Variants in ADGRL2 observed in about 807,000 individuals in gnomAD.
ADGRL2 encodes the protein adhesion G protein-coupled receptor L2, also known as calcium-independent alpha-latrotoxin receptor 2.
Under a neutral mutation model 157.4 loss-of-function variants are expected in ADGRL2, and 44 were observed. That is an observed-to-expected ratio of 0.28 (90% CI 0.22 to 0.36). The LOEUF (loss-of-function observed/expected upper bound fraction) is 0.36, where lower values mean the gene tolerates loss of function less well. Among genes scored for constraint, ADGRL2 ranks in the 10% least tolerant of loss-of-function variants. The pLI, the probability that ADGRL2 is intolerant of heterozygous loss-of-function variation, is 1.00. For missense variants in ADGRL2, 1,510 were observed against 1,768.9 expected, an observed-to-expected ratio of 0.85 and a Z score of 2.63; for synonymous variants, 585 against 624.7, an observed-to-expected ratio of 0.94 and a Z score of 0.95.
At chr1:81,794,920 C>T (rs542103269) in intron 2 of ADGRL2, among the ~76,000 whole-genome samples, 7 of 151,988 alleles carry the variant, frequency 4.6e-5, no homozygotes, top group Non-Finnish European at 1.0e-4. Context: ...ATGTGCATGA[C>T]AAATAAAGGC....
intron 1 of ADGRL2, among the ~76,000 whole-genome samples, chr1:81,334,931 T>G (rs1661526358): frequency 6.6e-6 from 1 of 152,178 alleles, no homozygotes; most frequent in Non-Finnish European, 1.5e-5. Context: ...TAAAGGTGTC[T>G]TTGGTGTTGA....
Position 81,755,076 on chromosome 1 carries a change from C to T in ADGRL2, c.-142-6735C>T, listed in dbSNP as rs534857972. ...GAATAAATATATTTACTGGTACATA[C>T]CCAACACAATATTAGAATATTAGGG... On this transcript the variant is annotated intron_variant, in intron 1 of 20. Coordinates refer to the ADGRL2 transcript ENST00000359929. Among the ~76,000 whole-genome samples, 32 of 149,920 alleles carry T rather than the reference C, an allele frequency of 2.1e-4. 1 individual carries two copies. In the South Asian group the frequency reaches 6.3e-3, roughly 29 times the overall value.
At chr1:81,676,595 T>G (rs1031015540) in intron 3 of ADGRL2, among the ~76,000 whole-genome samples, 35 of 150,222 alleles carry the variant, frequency 2.3e-4, no homozygotes, top group Admixed American at 4.6e-4. Context: ...GCCACCATCC[T>G]GGGCCCTGAT....
chr1:81,602,119 A>C (rs2081343972), intron 3 of ADGRL2, among the ~76,000 whole-genome samples: 1 of 66,646 alleles, frequency 1.5e-5, no homozygotes, highest in Admixed American at 1.6e-4. Context: ...CTACTTAAAC[A>C]AAAAAAAATT....
chr1:81,910,244 CAATAATAATAAT>C (rs10631240), intron 3 of ADGRL2, among the ~76,000 whole-genome samples: 1 of 143,056 alleles, frequency 7.0e-6, no homozygotes, highest in African/African-American at 2.6e-5. Flanking sequence ...GCCTAAAAAA[CAATAATAATAAT>C]AATAATAATA....
At chr1:81,669,751 G>A (rs144996594) in intron 3 of ADGRL2, among the ~76,000 whole-genome samples, 2,424 of 152,008 alleles carry the variant, frequency 0.016, 26 homozygotes, top group Middle Eastern at 0.024. Flanking sequence ...GACCATCCTG[G>A]CTAACACGGT....
intron 3 of ADGRL2, among the ~76,000 whole-genome samples, chr1:81,918,783 TGAA>T (rs1318027698): frequency 6.6e-6 from 1 of 152,202 alleles, no homozygotes; most frequent in East Asian, 1.9e-4. Context: ...CTAAAAATAT[TGAA>T]GTATTAGAAA....
At chr1:81,376,473 G>GT (rs1194788434) in intron 1 of ADGRL2, among the ~76,000 whole-genome samples, 2 of 152,116 alleles carry the variant, frequency 1.3e-5, no homozygotes. Context: ...GATATAACCT[G>GT]GTTAATACAA....
At chr1:81,416,308 C>A (rs2077033102) in intron 1 of ADGRL2, among the ~76,000 whole-genome samples, 1 of 132,566 alleles carries the variant, frequency 7.5e-6, no homozygotes, top group Non-Finnish European at 1.7e-5. Context: ...CCCTGAACAA[C>A]CTTCTTGCAA....
chr1:81,357,815 C>A (rs370838317), intron 1 of ADGRL2, among the ~76,000 whole-genome samples: 1 of 152,186 alleles, frequency 6.6e-6, no homozygotes, highest in East Asian at 1.9e-4. Context: ...AATGTGCATG[C>A]CATTTTCACT....
At position 81,782,368 on chromosome 1, in the gene ADGRL2, C is replaced by T. The variant is rs543345537; in HGVS notation, c.-101+20516C>T. Among the ~76,000 whole-genome samples the T allele has an allele frequency of 2.0e-4, 31 of 152,222 alleles. No homozygotes were observed. In the South Asian group the frequency reaches 5.4e-3, roughly 26 times the overall value. On this transcript the variant is annotated intron_variant, in intron 2 of 20. Transcript: ENST00000359929. ...TAAGAAGTCAATCGTATTATTTTAT[C>T]AGTATAATATATTAATGAGGGGGTA...
At chr1:81,710,484 G>A (rs1441815512) in intron 1 of ADGRL2, among the ~76,000 whole-genome samples, 1 of 151,514 alleles carries the variant, frequency 6.6e-6, no homozygotes, top group African/African-American at 2.4e-5. Flanking sequence ...GCTAGGTATG[G>A]TGGCACACAC....
At chr1:81,589,169 G>A (rs1009661851) in intron 3 of ADGRL2, among the ~76,000 whole-genome samples, 1 of 152,150 alleles carries the variant, frequency 6.6e-6, no homozygotes, top group Non-Finnish European at 1.5e-5. Context: ...GCTGTAACTG[G>A]GCTAGCATGT....
At chr1:81,717,992 G>T (rs1368115597) in intron 1 of ADGRL2, among the ~76,000 whole-genome samples, 1 of 152,110 alleles carries the variant, frequency 6.6e-6, no homozygotes, top group African/African-American at 2.4e-5. Context: ...TTTGTGGTTG[G>T]TTAATTATAA....
At position 81,610,811 on chromosome 1, in the gene ADGRL2, G is replaced by A. The variant is rs75867643; in HGVS notation, c.-143+29831G>A. On this transcript the variant is annotated intron_variant, in intron 3 of 24. Transcript: ENST00000370721. The stretch of plus-strand genomic sequence containing the variant: ...AGAACTTAGAGATGAAAAGAAATTA[G>A]GAGGCAGAATGAAGGTAAAGAAAAC... Among the ~76,000 whole-genome samples the A allele has an allele frequency of 8.7e-3, 1,318 of 152,244 alleles. 24 individuals are homozygous for A. Among genetic ancestry groups the A allele is most frequent in the African/African-American group, 0.03 (1,256 of 41,532 alleles).
chr1:81,638,471 T>C (rs2082155068), intron 3 of ADGRL2, among the ~76,000 whole-genome samples: 1 of 152,198 alleles, frequency 6.6e-6, no homozygotes. Context: ...TATATGCATG[T>C]ATATGGCTAT....
At chr1:81,457,977 T>A (rs1258895929) in intron 2 of ADGRL2, among the ~76,000 whole-genome samples, 1 of 152,178 alleles carries the variant, frequency 6.6e-6, no homozygotes, top group Non-Finnish European at 1.5e-5. Flanking sequence ...TCCAATCAGA[T>A]ATTAACTGCC....
chr1:81,416,898 T>C (rs1570909196), intron 1 of ADGRL2, among the ~76,000 whole-genome samples: 1 of 152,294 alleles, frequency 6.6e-6, no homozygotes, highest in East Asian at 1.9e-4. Context: ...GGTTCTGAAA[T>C]TAATTATCTT....
chr1:81,969,190 G>A lies in ADGRL2; in HGVS notation c.2536G>A (p.Val846Ile), dbSNP rs137977766. ...AHREIAYKDG[V>I]HELLLTVITW... Reference sequence around the variant, plus strand: ...TTTTTATTTTCAGTATAAAGATGGCGTTCATGAATTACTTCTTACAGTCAT... The same window carrying A: ...TTTTTATTTTCAGTATAAAGATGGCATTCATGAATTACTTCTTACAGTCAT... Residue 846 changes from valine to isoleucine, a missense_variant, in exon 15 of 24, where the codon GTT becomes ATT. Physicochemically the swap from Val to Ile is conservative, Grantham distance 29. Transcript: ENST00000686636. The A allele has an allele frequency of 1.8e-4, 293 of 1,612,482 alleles. No individual in the cohort carries two copies. The African/African-American group carries it at 2.5e-3, about 14-fold the overall frequency.
Sources: allele counts gnomAD v4.1 joint callset (sites outside exome capture counted in the v4.1 genomes callset), GRCh38; gene constraint gnomAD v4.1.1; transcripts MANE v1.5; gene names NCBI Gene and HGNC (gene_info 2026-07-23, HGNC 2026-07-21).